Variants in KLC4 observed in about 807,000 individuals in gnomAD.
KLC4 encodes kinesin light chain 4.
In KLC4, 49 loss-of-function variants were observed where a neutral mutation model predicts 77.2. The ratio of observed to expected loss-of-function variants is 0.63; its 90% confidence interval spans 0.50 to 0.80. KLC4 has a LOEUF of 0.80. KLC4 is among the 30% of genes least tolerant of loss of function. The pLI, the probability that KLC4 is intolerant of heterozygous loss-of-function variation, is 0.00. For missense variants in KLC4, 669 were observed against 793.5 expected, an observed-to-expected ratio of 0.84 and a Z score of 1.89; for synonymous variants, 274 against 314.5, an observed-to-expected ratio of 0.87 and a Z score of 1.36.
In KLC4 at chr6:43,059,678, G is replaced by A. The variant is rs904357182; in HGVS notation, c.-33G>A. Reference sequence around the variant, plus strand: ...GGCAAGAGCGGCAGCCACACCGGCAGATTGCAGGTGAGTCTTTGAGGGTAT... The same window carrying A: ...GGCAAGAGCGGCAGCCACACCGGCAAATTGCAGGTGAGTCTTTGAGGGTAT... On this transcript the variant is annotated 5_prime_UTR_variant, in exon 1 of 16. Coordinates refer to ENST00000347162, the MANE Select transcript of KLC4 (RefSeq NM_201521.3). 7.5e-7 allele frequency: 1 copy of A among 1,339,674 alleles called. No homozygotes were observed. 83.0% of individuals were successfully genotyped at this position (1,339,674 alleles called of 1,614,324 possible).
chr6:43,071,786 C>T lies in KLC4; in HGVS notation c.1309-66C>T. 2.6e-6 allele frequency: 4 copies of T among 1,553,826 alleles called. No individual in the cohort carries two copies. In the South Asian group the frequency reaches 3.4e-5, roughly 13 times the overall value. ...CCTAGCCCCATGCCACCTTGCATCT[C>T]AGCATCTCTGTATTCTTATATTTGG... is the stretch of plus-strand genomic sequence containing the variant. On this transcript the variant is annotated intron_variant, in intron 10 of 15. Transcript: ENST00000347162.
chr6:43,059,912 T>C, intron 1 of KLC4: 6 of 1,256,714 alleles, frequency 4.8e-6, no homozygotes, highest in Non-Finnish European at 6.0e-6. Context: ...TCGGGGTCGT[T>C]AGGCCTCCAC....
chr6:43,065,382 A>T, intron 3 of KLC4: 2 of 445,778 alleles, frequency 4.5e-6, no homozygotes, highest in Non-Finnish European at 8.2e-6. Flanking sequence ...CCAGGAAGGA[A>T]ACTTTCTGTA....
In KLC4 at chr6:43,059,661, C is replaced by T. The variant is rs910467728; in HGVS notation, c.-50C>T. 3 of 1,347,906 alleles carry T rather than the reference C, an allele frequency of 2.2e-6. No individual in the cohort carries two copies. Among genetic ancestry groups the T allele is most frequent in the African/African-American group, 1.5e-5 (1 of 67,688 alleles). The allele number at this position is 1,347,906 out of a possible 1,614,324, so 83.5% of individuals were successfully genotyped here. On this transcript the variant is annotated 5_prime_UTR_variant, in exon 1 of 16. Transcript: ENST00000347162. The stretch of plus-strand genomic sequence containing the variant: ...TTTAAAGGGGCAGTACCGGCAAGAG[C>T]GGCAGCCACACCGGCAGATTGCAGG...
chr6:43,065,665 T>C lies in KLC4; in HGVS notation c.535T>C (p.Phe179Leu). 2 of 1,613,926 alleles carry C rather than the reference T, an allele frequency of 1.2e-6. No homozygotes were observed. Among genetic ancestry groups the C allele is most frequent in the East Asian group, 4.5e-5 (2 of 44,884 alleles). ...CACCAAGGATTCCCTGGATGACCTC[T>C]TTCCTAATGAGGAGGAAGAGGACCC... The part of the protein sequence containing the change: ...DATKDSLDDL[F>L]PNEEEEDPSN... The change falls in exon 4 of 16, where the codon TTT (phenylalanine) becomes CTT (leucine). Residue 179 changes from phenylalanine to leucine, a missense_variant. Coordinates refer to ENST00000347162, the MANE Select transcript of KLC4 (RefSeq NM_201521.3).
Position 43,063,163 on chromosome 6 carries a change from C to A in KLC4, c.489+16C>A. On this transcript the variant is annotated intron_variant, in intron 3 of 15. Transcript: ENST00000347162. ...ACATACCTCGGTGAGTGTGCACAGG[C>A]GAGACTGGCTGAGGGGTGGGCAGCC... 6.3e-7 allele frequency: 1 copy of A among 1,589,052 alleles called. No individual in the cohort carries two copies. Among genetic ancestry groups the A allele is most frequent in the Non-Finnish European group, 8.6e-7 (1 of 1,160,296 alleles).
intron 2 of KLC4, 196 bp from the exon 3 acceptor site, chr6:43,062,721 G>C (rs1242593951): frequency 5.1e-6 from 3 of 593,990 alleles, no homozygotes; most frequent in African/African-American, 3.7e-5. Context: ...ATAGTGGCTT[G>C]GTCCAGGGTG....
chr6:43,061,564 A>C lies in KLC4; in HGVS notation c.229A>C (p.Asn77His). The C allele has an allele frequency of 6.2e-7, 1 of 1,612,860 alleles. No homozygotes were observed. The highest frequency in any genetic ancestry group is 1.3e-5 in the African/African-American group (1 of 75,036). ...CCGGCAGCTTCGCCGTTCTATGGAAAACATTGAGCTCGGGCTGAGTGAGGC... is the reference window on the plus strand; with the variant it reads ...CCGGCAGCTTCGCCGTTCTATGGAACACATTGAGCTCGGGCTGAGTGAGGC... Reference protein sequence around the residue: ...KARQLRRSMENIELGLSEAQV... With the variant: ...KARQLRRSMEHIELGLSEAQV... The change falls in exon 2 of 16, where the codon AAC (asparagine) becomes CAC (histidine). Residue 77 changes from asparagine to histidine, a missense_variant. Transcript: ENST00000347162.
chr6:43,072,137 C>G lies in KLC4; in HGVS notation c.1380-10C>G. 6.2e-7 allele frequency: 1 copy of G among 1,608,508 alleles called. No individual in the cohort carries two copies. The highest frequency in any genetic ancestry group is 2.2e-5 in the East Asian group (1 of 44,868). Reference sequence around the variant, plus strand: ...TCTCTCTTCCTTCTCTGGTCTCTTTCTCACCACAGCCCCACAGTGAACACT... The same window carrying G: ...TCTCTCTTCCTTCTCTGGTCTCTTTGTCACCACAGCCCCACAGTGAACACT... On this transcript the variant is annotated splice_polypyrimidine_tract_variant and intron_variant, in intron 11 of 15. Coordinates refer to ENST00000347162, the MANE Select transcript of KLC4 (RefSeq NM_201521.3).
chr6:43,066,520 G>GT lies in KLC4; in HGVS notation c.787dup (p.Tyr263LeufsTer3). ...CCATGCTCAACATCCTTGCTTTGGT[G>GT]TATCGGTGAGGACTTCCCTCCTCCA... On this transcript the variant is annotated frameshift_variant, in exon 5 of 16. Transcript: ENST00000347162. LOFTEE classifies it high-confidence loss of function. 1 of 1,611,580 alleles carries GT rather than the reference G, an allele frequency of 6.2e-7. No individual in the cohort carries two copies. Among genetic ancestry groups the GT allele is most frequent in the Non-Finnish European group, 8.5e-7 (1 of 1,178,426 alleles).
chr6:43,071,370 G>A lies in KLC4; in HGVS notation c.1251G>A (p.Val417=), dbSNP rs1242602128. 40 of 1,610,320 alleles carry A rather than the reference G, an allele frequency of 2.5e-5. No homozygotes were observed. Among genetic ancestry groups the A allele is most frequent in the Non-Finnish European group, 3.4e-5 (40 of 1,176,718 alleles). The change falls in exon 9 of 16, where the codon GTG becomes GTA. Residue 417 remains valine, a synonymous_variant. Coordinates refer to ENST00000347162, the MANE Select transcript of KLC4 (RefSeq NM_201521.3). ...TRAHVQEFGS[V]DDDHKPIWMH... is the part of the protein sequence containing the mutation. ...CCCATGTACAGGAGTTTGGGTCTGT[G>A]GATGGTGAGTGGTGAGGGCCTGGGG...
At chr6:43,074,489 G>C in intron 15 of KLC4, 133 bp from the exon 16 acceptor site, 3 of 805,202 alleles carry the variant, frequency 3.7e-6, no homozygotes, top group Non-Finnish European at 6.3e-6. Context: ...CAGGTCCAGA[G>C]ATAGACTGGT....
chr6:43,067,758 G>A (rs1765511751), intron 6 of KLC4, among the ~76,000 whole-genome samples: 1 of 141,750 alleles, frequency 7.1e-6, no homozygotes. Context: ...TCGTGCCATT[G>A]CACTCCAGCC....
At chr6:43,067,582 C>G (rs1765501462) in intron 6 of KLC4, among the ~76,000 whole-genome samples, 1 of 151,830 alleles carries the variant, frequency 6.6e-6, no homozygotes, top group South Asian at 2.1e-4. Context: ...ATCACGAGGT[C>G]AGGAGATCGA....
At chr6:43,067,256 A>G (rs1044831566) in intron 6 of KLC4, 173 bp downstream of exon 6, 10 of 1,300,812 alleles carry the variant, frequency 7.7e-6, no homozygotes, top group South Asian at 2.6e-5. Context: ...ATGATTCTCA[A>G]TTCTCTGAGA....
Position 43,073,950 on chromosome 6 carries a change from T to A in KLC4, c.1794T>A (p.Ser598Arg). The change falls in exon 15 of 16, where the codon AGT (serine) becomes AGA (arginine). Residue 598 changes from serine (S) to arginine (R), a missense_variant. Coordinates refer to ENST00000347162, the MANE Select transcript of KLC4 (RefSeq NM_201521.3). ...CCTTGAACTATCTGAACCAACCTAG[T>A]GCAGCACCCCTCCAGGTGAGAGCAG... The part of the protein sequence containing the change: ...AASLNYLNQP[S>R]AAPLQVSRGL... 2 of 1,611,576 alleles carry A rather than the reference T, an allele frequency of 1.2e-6. No homozygotes were observed. Among genetic ancestry groups the A allele is most frequent in the Non-Finnish European group, 1.7e-6 (2 of 1,178,802 alleles).
chr6:43,070,056 C>T (rs1400556024), intron 6 of KLC4, among the ~76,000 whole-genome samples: 3 of 150,642 alleles, frequency 2.0e-5, no homozygotes, highest in Non-Finnish European at 4.4e-5. Flanking sequence ...AGCGTTCTTG[C>T]CTCCTCAAAG....
At chr6:43,074,528 A>C (rs911665762) in intron 15 of KLC4, 94 bp from the exon 16 acceptor site, 3 of 1,050,266 alleles carry the variant, frequency 2.9e-6, no homozygotes, top group African/African-American at 1.6e-5. Flanking sequence ...CTAGGTCCAG[A>C]GATACACTGT....
intron 4 of KLC4, 111 bp downstream of exon 4, chr6:43,065,812 T>A: frequency 1.4e-6 from 1 of 722,982 alleles, no homozygotes; most frequent in Non-Finnish European, 2.4e-6. Context: ...GTTCTCCACT[T>A]TCTCTGGAGA....
Sources: allele counts gnomAD v4.1 joint callset (sites outside exome capture counted in the v4.1 genomes callset), GRCh38; gene constraint gnomAD v4.1.1; transcripts MANE v1.5; gene names NCBI Gene and HGNC (gene_info 2026-07-23, HGNC 2026-07-21).